LPP: variants seen among roughly 807,000 people sequenced by gnomAD.
The protein encoded by LPP is lipoma-preferred partner.
LPP carries 38 observed loss-of-function variants against 60.4 expected under a neutral mutation model. The ratio of observed to expected loss-of-function variants is 0.63; its 90% CI spans 0.49 to 0.83. The LOEUF is 0.83. LPP is among the 40% of genes least tolerant of loss of function. LPP has a pLI of 0.00. For missense variants in LPP, 902 were observed against 783.6 expected, an observed-to-expected ratio of 1.15 and a Z score of -1.80; for synonymous variants, 328 against 290.8, an observed-to-expected ratio of 1.13 and a Z score of -1.30.
chr3:188,761,450 A>G (rs914745946), intron 9 of LPP, among the ~76,000 whole-genome samples: 3 of 152,206 alleles, frequency 2.0e-5, no homozygotes, highest in African/African-American at 4.8e-5. Context: ...AACTTAATAC[A>G]TGTAACATCA....
intron 6 of LPP, among the ~76,000 whole-genome samples, chr3:188,592,252 A>C (rs986602190): frequency 6.6e-6 from 1 of 152,130 alleles, no homozygotes; most frequent in African/African-American, 2.4e-5. Context: ...TAAAATTTAT[A>C]ATCTCTGATA....
intron 3 of LPP, among the ~76,000 whole-genome samples, chr3:188,354,822 CACACACACACACAG>C (rs983483133): frequency 3.8e-5 from 2 of 52,144 alleles, no homozygotes; most frequent in Admixed American, 5.0e-4. Flanking sequence ...CGCGTGCGCG[CACACACACACACAG>C]ACACACACAC....
chr3:188,382,128 C>A lies in LPP; in HGVS notation c.-9-23984C>A, dbSNP rs114631524. The stretch of plus-strand genomic sequence containing the variant: ...ATAGAGAAAAAAGCCCTGCTTTCTC[C>A]ATTCCTTCTACGGTTTGGCACCCAG... On this transcript the variant is annotated intron_variant, in intron 3 of 11. Coordinates refer to ENST00000617246, the MANE Select transcript of LPP (RefSeq NM_001375462.1). 2.4e-3 allele frequency among the ~76,000 whole-genome samples: 366 copies of A among 152,224 alleles called. 1 individual carries two copies. Among genetic ancestry groups the A allele is most frequent in the African/African-American group, 8.4e-3 (349 of 41,550 alleles).
intron 2 of LPP, among the ~76,000 whole-genome samples, chr3:188,306,554 A>G (rs1169070652): frequency 1.3e-5 from 2 of 152,062 alleles, no homozygotes; most frequent in African/African-American, 4.8e-5. Flanking sequence ...ACCTCTTCCC[A>G]CTTTAGAGTC....
At chr3:188,777,741 A>AT (rs150436874) in intron 9 of LPP, among the ~76,000 whole-genome samples, 2 of 151,978 alleles carry the variant, frequency 1.3e-5, no homozygotes, top group Admixed American at 6.6e-5. Flanking sequence ...GATACTGGTG[A>AT]TTTTTTCTCT....
At position 188,882,410 on chromosome 3, in the gene LPP, G is replaced by A. The variant is rs1287219641; in HGVS notation, c.*7931G>A. On this transcript the variant is annotated 3_prime_UTR_variant, in exon 12 of 12. Transcript: ENST00000617246. ...CTGAATGGGAAGAAAAAGGCATAGA[G>A]GAAGCCTGAGGAAGTATTTACTTGC... 1 of 226,700 alleles carries A rather than the reference G, an allele frequency of 4.4e-6. No individual in the cohort carries two copies. The highest frequency in any genetic ancestry group is 6.4e-5 in the East Asian group (1 of 15,716). The allele number at this position is 226,700 out of a possible 1,614,324, so 14.0% of individuals were successfully genotyped here.
At position 188,484,222 on chromosome 3, in the gene LPP, T is replaced by C. The variant is rs972875324; in HGVS notation, c.194-370T>C. 2.6e-5 allele frequency among the ~76,000 whole-genome samples: 4 copies of C among 152,348 alleles called. No individual in the cohort carries two copies. In the South Asian group the frequency reaches 6.2e-4, roughly 24 times the overall value. On this transcript the variant is annotated intron_variant, in intron 4 of 11. Transcript: ENST00000617246. ...CATCTTTATAAATTACACCTTGTGT[T>C]ATCTTTAGTTTTGTACAATTTTTCT...
chr3:188,638,987 C>A (rs113130738), intron 7 of LPP, among the ~76,000 whole-genome samples: 9 of 151,604 alleles, frequency 5.9e-5, no homozygotes, highest in South Asian at 2.1e-4. Context: ...GCTACCAATG[C>A]CTTTCTTCAC....
chr3:188,172,375 A>G (rs1399382940), intron 1 of LPP, among the ~76,000 whole-genome samples: 4 of 152,214 alleles, frequency 2.6e-5, no homozygotes, highest in African/African-American at 9.7e-5. Flanking sequence ...TAAAATAATA[A>G]TAAGAAAATT....
intron 6 of LPP, among the ~76,000 whole-genome samples, chr3:188,532,574 G>A (rs749435817): frequency 5.3e-5 from 8 of 152,150 alleles, no homozygotes; most frequent in Non-Finnish European, 7.3e-5. Flanking sequence ...TGATAGCCTC[G>A]TCTCCAAGTT....
In LPP at chr3:188,883,213, G is replaced by A. The variant is rs1473824962; in HGVS notation, c.*8734G>A. On this transcript the variant is annotated 3_prime_UTR_variant, in exon 12 of 12. Transcript: ENST00000617246. Reference sequence around the variant, plus strand: ...TTCCATATATATTTGTTTTGTTTTGGGCATTGCATTACTTTTTTGAATTTT... The same window carrying A: ...TTCCATATATATTTGTTTTGTTTTGAGCATTGCATTACTTTTTTGAATTTT... 1 of 217,084 alleles carries A rather than the reference G, an allele frequency of 4.6e-6. No homozygotes were observed. The highest frequency in any genetic ancestry group is 2.3e-5 in the African/African-American group (1 of 44,376). The allele number at this position is 217,084 out of a possible 1,614,324, so 13.4% of individuals were successfully genotyped here. A position where few individuals can be genotyped will look rare whatever the true frequency, so the allele number is the denominator to read the frequency against.
chr3:188,738,396 C>T (rs934597304), intron 8 of LPP, among the ~76,000 whole-genome samples: 6 of 152,012 alleles, frequency 3.9e-5, no homozygotes, highest in African/African-American at 1.5e-4. Context: ...GTAGTTTATA[C>T]CCAGATAGGT....
chr3:188,657,208 A>G (rs1853411463), intron 7 of LPP, among the ~76,000 whole-genome samples: 1 of 135,644 alleles, frequency 7.4e-6, no homozygotes, highest in Admixed American at 8.0e-5. Flanking sequence ...GAGCATGCAC[A>G]TTCTTTGTAA....
chr3:188,783,564 G>C (rs573073700), intron 9 of LPP, among the ~76,000 whole-genome samples: 1 of 22,216 alleles, frequency 4.5e-5, no homozygotes, highest in African/African-American at 1.9e-4. Flanking sequence ...GAGGGTGGAG[G>C]GGGAGAGGAG....
At chr3:188,237,162 A>G (rs1348862047) in intron 2 of LPP, among the ~76,000 whole-genome samples, 2 of 152,146 alleles carry the variant, frequency 1.3e-5, no homozygotes, top group Non-Finnish European at 1.5e-5. Context: ...CTGTTCATCC[A>G]TAAGAAGCCC....
At chr3:188,158,372 G>A (rs752901295) in intron 1 of LPP, among the ~76,000 whole-genome samples, 3 of 152,136 alleles carry the variant, frequency 2.0e-5, no homozygotes, top group Admixed American at 1.3e-4. Context: ...CATATGAGGC[G>A]GAGAACCTGA....
intron 1 of LPP, among the ~76,000 whole-genome samples, chr3:188,155,702 C>A (rs1002332376): frequency 6.6e-5 from 10 of 152,052 alleles, no homozygotes; most frequent in African/African-American, 2.4e-4. Context: ...CCTGCCAGCA[C>A]CAGGGGGCAG....
chr3:188,769,975 C>A (rs1312371166), intron 9 of LPP, among the ~76,000 whole-genome samples: 1 of 152,050 alleles, frequency 6.6e-6, no homozygotes, highest in Admixed American at 6.6e-5. Context: ...CAATGTTTGC[C>A]AGAGTTTGGA....
intron 9 of LPP, among the ~76,000 whole-genome samples, chr3:188,780,906 T>A (rs1739429986): frequency 6.6e-6 from 1 of 152,232 alleles, no homozygotes; most frequent in Admixed American, 6.5e-5. Flanking sequence ...GGAGACACTT[T>A]CAGCTATTAG....
Sources: gnomAD v4.1 joint callset for allele counts (sites outside exome capture counted in the v4.1 genomes callset) on GRCh38, gnomAD v4.1.1 for gene constraint, MANE v1.5 for transcripts, NCBI Gene and HGNC (gene_info 2026-07-23, HGNC 2026-07-21) for gene names.